Variants in IL1RAP observed in about 807,000 individuals in gnomAD.
IL1RAP encodes the protein interleukin 1 receptor accessory protein.
IL1RAP carries 35 observed loss-of-function variants against 60.7 expected under a neutral mutation model. The ratio of observed to expected loss-of-function variants is 0.58; its 90% CI spans 0.44 to 0.76. The LOEUF (loss-of-function observed/expected upper bound fraction) is 0.76. IL1RAP is among the 30% of genes least tolerant of loss of function. IL1RAP has a pLI of 0.00. For missense variants in IL1RAP, 572 were observed against 693.9 expected (o/e 0.82, Z 1.97); for synonymous variants, 268 against 250.9 (o/e 1.07, Z -0.64).
intron 1 of IL1RAP, among the ~76,000 whole-genome samples, chr3:190,519,884 G>A (rs1041438809): frequency 2.0e-5 from 3 of 152,090 alleles, no homozygotes; most frequent in Non-Finnish European, 2.9e-5. Context: ...TATCTAATCT[G>A]TGTGTCAATC....
chr3:190,560,858 A>G (rs1446609909), intron 2 of IL1RAP, among the ~76,000 whole-genome samples: 1 of 152,234 alleles, frequency 6.6e-6, no homozygotes, highest in Admixed American at 6.5e-5. Flanking sequence ...CGTCGATTAC[A>G]GAGAACTAAG....
intron 11 of IL1RAP, among the ~76,000 whole-genome samples, chr3:190,647,702 G>A (rs1005885610): frequency 6.6e-6 from 1 of 152,160 alleles, no homozygotes; most frequent in African/African-American, 2.4e-5. Flanking sequence ...CCGAGGATGT[G>A]TTACCAGCCA....
rs548301988 is a variant in IL1RAP, at chr3:190,537,547, A to G, written c.-88-18583A>G. ...TGGTGAACACTTTAAGGAGCGTGGG[A>G]ACAGGCCATATTTTGTTTTGATCTT... On this transcript the variant is annotated intron_variant, in intron 1 of 11. Coordinates refer to ENST00000447382, the MANE Select transcript of IL1RAP (RefSeq NM_002182.4). Among the ~76,000 whole-genome samples the G allele has an allele frequency of 7.2e-5, 11 of 152,272 alleles. No individual in the cohort carries two copies. In the South Asian group the frequency reaches 2.3e-3, roughly 32 times the overall value.
chr3:190,645,663 T>C (rs1394349418), intron 10 of IL1RAP, 36 bp from the exon 11 acceptor site: 4 of 1,529,404 alleles, frequency 2.6e-6, no homozygotes, highest in Non-Finnish European at 3.6e-6. Context: ...TGAGAAACTT[T>C]CCTAATTTAC....
At chr3:190,570,886 G>C (rs935633059) in intron 3 of IL1RAP, among the ~76,000 whole-genome samples, 1 of 152,140 alleles carries the variant, frequency 6.6e-6, no homozygotes, top group African/African-American at 2.4e-5. Flanking sequence ...AAGGTTTATA[G>C]TAGTGTTCAT....
Position 190,645,700 on chromosome 3 carries a change from T to C in IL1RAP, c.1203T>C (p.Asp401=). ...TTGTATCTGTGTTCCTTTTGCTAGA[T>C]GGAAAAGAGTATGATATTTATGTAT... ...AHFGTDETIL[D]GKEYDIYVSY... Residue 401 remains aspartate (D), a splice_region_variant and synonymous_variant, in exon 11 of 12, where the codon GAT becomes GAC. Transcript: ENST00000447382. The C allele has an allele frequency of 6.2e-7, 1 of 1,607,316 alleles. No individual in the cohort carries two copies. The highest frequency in any genetic ancestry group is 8.5e-7 in the Non-Finnish European group (1 of 1,175,432).
In IL1RAP at chr3:190,549,100, G is replaced by A. The variant is rs867080965; in HGVS notation, c.-88-7030G>A. On this transcript the variant is annotated intron_variant, in intron 1 of 11. Transcript: ENST00000447382. ...AAAATGGGATTTATTTGGCAAAAAG[G>A]AAAAAAAGGGAAACAGGGACTCTCA... Among the ~76,000 whole-genome samples the A allele has an allele frequency of 4.3e-4, 65 of 151,772 alleles. 1 individual carries two copies. The Middle Eastern group carries it at 0.027, about 64-fold the overall frequency.
chr3:190,560,106 A>C (rs969197882), intron 2 of IL1RAP, among the ~76,000 whole-genome samples: 19 of 152,202 alleles, frequency 1.2e-4, no homozygotes, highest in African/African-American at 4.3e-4. Context: ...GTAGAATGGA[A>C]TAATTAGTAG....
chr3:190,657,577 G>A (rs1489095057), exon 12 of IL1RAP: 1 of 152,130 alleles, frequency 6.6e-6, no homozygotes, highest in Non-Finnish European at 1.5e-5. Flanking sequence ...AGAAAATATG[G>A]CCAGATACCA....
Position 190,519,175 on chromosome 3 carries a change from T to C in IL1RAP, c.-89+4956T>C, listed in dbSNP as rs529305186. ...CTAAATTTCTTCTGCTATAACGCAT[T>C]GTGTATCTTTAAGATTCCTTTCAAC... On this transcript the variant is annotated intron_variant, in intron 1 of 11. Transcript: ENST00000447382. 2.0e-5 allele frequency: 3 copies of C among 152,326 alleles called. No individual in the cohort carries two copies. In the East Asian group the frequency reaches 5.8e-4, roughly 29 times the overall value. 9.4% of individuals were successfully genotyped at this position (152,326 alleles called of 1,614,324 possible).
intron 5 of IL1RAP, among the ~76,000 whole-genome samples, chr3:190,616,096 A>G (rs1018757826): frequency 6.6e-6 from 1 of 152,178 alleles, no homozygotes; most frequent in Non-Finnish European, 1.5e-5. Flanking sequence ...CGTAAGGTTT[A>G]GGGCCTCTGA....
intron 1 of IL1RAP, among the ~76,000 whole-genome samples, chr3:190,545,890 T>A (rs1724325100): frequency 6.6e-6 from 1 of 152,198 alleles, no homozygotes; most frequent in Admixed American, 6.5e-5. Context: ...TATACATGTG[T>A]GAAAAAAAAC....
chr3:190,647,121 T>A (rs1264429016), intron 11 of IL1RAP, among the ~76,000 whole-genome samples: 2 of 152,230 alleles, frequency 1.3e-5, no homozygotes, highest in Non-Finnish European at 2.9e-5. Flanking sequence ...CTTCCTTTTT[T>A]ATTCTCCCTG....
downstream of IL1RAP, among the ~76,000 whole-genome samples, chr3:190,652,662 A>T (rs1175470053): frequency 3.9e-5 from 6 of 152,188 alleles, no homozygotes; most frequent in Non-Finnish European, 8.8e-5. Flanking sequence ...GCAGAGTTCG[A>T]CACTAATGGA....
chr3:190,650,945 C>T lies in IL1RAP; in HGVS notation c.*2240C>T, dbSNP rs1237466686. ...TTTATCCCAAATGCTGTTGGGCACC[C>T]CTAGAAATACCTTGATGTTTTTTCT... On this transcript the variant is annotated 3_prime_UTR_variant, in exon 12 of 12. Coordinates refer to ENST00000447382, the MANE Select transcript of IL1RAP (RefSeq NM_002182.4). 1.0e-6 allele frequency: 1 copy of T among 985,062 alleles called. No individual in the cohort carries two copies. Among genetic ancestry groups the T allele is most frequent in the East Asian group, 1.1e-4 (1 of 8,826 alleles). The allele number at this position is 985,062 out of a possible 1,614,324, so 61.0% of individuals were successfully genotyped here.
At chr3:190,617,459 C>T (rs982522035) in intron 5 of IL1RAP, among the ~76,000 whole-genome samples, 9 of 152,132 alleles carry the variant, frequency 5.9e-5, no homozygotes, top group African/African-American at 9.7e-5. Context: ...GTTGAAAAAT[C>T]GCTCTTCTAT....
chr3:190,551,050 T>C (rs573166935), intron 1 of IL1RAP, among the ~76,000 whole-genome samples: 4 of 152,320 alleles, frequency 2.6e-5, no homozygotes, highest in South Asian at 4.1e-4. Context: ...AGCCTAACCA[T>C]GGGTTTGTAT....
intron 5 of IL1RAP, among the ~76,000 whole-genome samples, chr3:190,619,386 G>A (rs1161609984): frequency 6.6e-6 from 1 of 152,052 alleles, no homozygotes; most frequent in Non-Finnish European, 1.5e-5. Context: ...TCTTGATCAG[G>A]CCCATGAAGA....
At chr3:190,555,272 T>C (rs1725307272) in intron 1 of IL1RAP, among the ~76,000 whole-genome samples, 1 of 152,150 alleles carries the variant, frequency 6.6e-6, no homozygotes, top group Admixed American at 6.5e-5. Flanking sequence ...TGGCGTCACA[T>C]TGCCCAAGTG....
Sources: allele counts gnomAD v4.1 joint callset (sites outside exome capture counted in the v4.1 genomes callset), GRCh38; gene constraint gnomAD v4.1.1; transcripts MANE v1.5; gene names NCBI Gene and HGNC (gene_info 2026-07-23, HGNC 2026-07-21).